The following FAM131A variants were observed in gnomAD, a reference collection of about 807,000 sequenced individuals.
FAM131A encodes protein FAM131A.
In FAM131A, 24 loss-of-function variants were observed where a neutral mutation model predicts 39.2. That is an observed-to-expected ratio of 0.61 (90% CI 0.44 to 0.86). FAM131A has a LOEUF of 0.86. Among genes scored for constraint, FAM131A ranks in the 40% least tolerant of loss-of-function variants. The pLI is 0.00. For missense variants in FAM131A, 373 were observed against 481.2 expected, an observed-to-expected ratio of 0.78 and a Z score of 2.10; for synonymous variants, 202 against 206.8, an observed-to-expected ratio of 0.98 and a Z score of 0.20.
intron 2 of FAM131A, chr3:184,340,827 T>G (rs2108544063): frequency 6.6e-6 from 1 of 152,280 alleles, no homozygotes; most frequent in East Asian, 1.9e-4. Context: ...GAGTGATTTG[T>G]TAAGAGACTA....
At chr3:184,341,661 G>C in intron 2 of FAM131A, 63 bp from the exon 3 acceptor site, 1 of 1,404,176 alleles carries the variant, frequency 7.1e-7, no homozygotes, top group South Asian at 1.2e-5. Context: ...CTGGGTATGG[G>C]CATGTTAGGG....
At chr3:184,336,787 G>C (rs1251535282), upstream of FAM131A, among the ~76,000 whole-genome samples, 8 of 151,716 alleles carry the variant, frequency 5.3e-5, no homozygotes, top group Non-Finnish European at 1.0e-4. The surrounding 1 kb of genome is among the most constrained non-coding windows in gnomAD (Gnocchi z 5.5). Context: ...AGGGAAAGAG[G>C]AACCCAGAGG....
rs761876178 is a variant in FAM131A, at chr3:184,344,767, G to A, written c.898G>A (p.Glu300Lys). ...TGCCTTCCGCAGCCTGGGCCCACTG[G>A]AGGCCCAGGACTCACTCTACAACTC... Reference protein sequence around the residue: ...ESAFRSLGPLEAQDSLYNSPL... With the variant: ...ESAFRSLGPLKAQDSLYNSPL... Residue 300 changes from glutamate (E) to lysine (K), a missense_variant, in exon 6 of 6, where the codon GAG (glutamate) becomes AAG (lysine). Around this residue, in one of 2 missense-constraint regions of FAM131A, gnomAD observed 152 missense variants for 133.5 expected, o/e 1.14. Coordinates refer to ENST00000383847, the MANE Select transcript of FAM131A (RefSeq NM_144635.5). The A allele has an allele frequency of 6.8e-6, 11 of 1,612,240 alleles. No individual in the cohort carries two copies. The Admixed American group carries it at 1.8e-4, about 27-fold the overall frequency.
chr3:184,342,486 T>C lies in FAM131A; in HGVS notation c.508+238T>C, dbSNP rs1221277713. On this transcript the variant is annotated intron_variant, in intron 4 of 5. Transcript: ENST00000383847. This position sits in a 1 kb window ranked among gnomAD's most constrained non-coding sequence, Gnocchi z 4.6. ...CCGTGCCTGGCTAATTTTTGTAGTT[T>C]TAGTAGAGATGGGGTTTCACCGTCT... Among the ~76,000 whole-genome samples the C allele has an allele frequency of 6.6e-6, 1 of 152,108 alleles. No individual in the cohort carries two copies. Among genetic ancestry groups the C allele is most frequent in the Non-Finnish European group, 1.5e-5 (1 of 68,012 alleles).
In FAM131A at chr3:184,342,731, GT is replaced by G. The variant is rs1410193957; in HGVS notation, c.509-12del. 1.2e-6 allele frequency: 2 copies of G among 1,610,408 alleles called. No individual in the cohort carries two copies. The highest frequency in any genetic ancestry group is 2.7e-5 in the African/African-American group (2 of 74,948). On this transcript the variant is annotated splice_polypyrimidine_tract_variant and intron_variant, in intron 4 of 5. Transcript: ENST00000383847. This position sits in a 1 kb window ranked among gnomAD's most constrained non-coding sequence, Gnocchi z 4.6. Reference sequence around the variant, plus strand: ...CTCACCTTCTCTGCTTATGCATTCTGTCCCTGCGACAGGAGTGGCTGAGCAG... The same window carrying G: ...CTCACCTTCTCTGCTTATGCATTCTGCCCTGCGACAGGAGTGGCTGAGCAG...
chr3:184,338,847 C>G (rs1458649697), intron 2 of FAM131A: 7 of 261,646 alleles, frequency 2.7e-5, no homozygotes, highest in Non-Finnish European at 5.1e-5. Flanking sequence ...GCGCGGAGCG[C>G]CGGGCACGGA....
rs1553852940 is a variant in FAM131A, at chr3:184,343,993, C to CTA, written c.626-501_626-500insAT. 9.6e-4 allele frequency among the ~76,000 whole-genome samples: 145 copies of CTA among 151,114 alleles called. 3 individuals carry two copies. The South Asian group carries it at 0.019, about 20-fold the overall frequency. ...TACTGCTTGTTAACTGTGTGCCAGACTTTTTTTTTGAGACGGAGTTTCACT... is the reference window on the plus strand; with the variant it reads ...TACTGCTTGTTAACTGTGTGCCAGACTATTTTTTTTTGAGACGGAGTTTCACT... On this transcript the variant is annotated intron_variant, in intron 5 of 5. Transcript: ENST00000383847.
chr3:184,344,826 G>A lies in FAM131A; in HGVS notation c.957G>A (p.Glu319=), dbSNP rs1281977487. The A allele has an allele frequency of 4.3e-6, 7 of 1,611,754 alleles. No individual in the cohort carries two copies. Among genetic ancestry groups the A allele is most frequent in the African/African-American group, 1.3e-5 (1 of 74,942 alleles). The stretch of plus-strand genomic sequence containing the variant: ...CAGAGTCCTGCCTTTCCCCCGCGGA[G>A]GAGGAGCCAGCCCCCTGCAAGGACT... ...PLTESCLSPA[E]EEPAPCKDCQ... is the part of the protein sequence containing the mutation. The change falls in exon 6 of 6, where the codon GAG becomes GAA. Residue 319 remains glutamate (E), a synonymous_variant. Coordinates refer to ENST00000383847, the MANE Select transcript of FAM131A (RefSeq NM_144635.5).
chr3:184,343,325 G>A (rs1560243683), intron 5 of FAM131A, among the ~76,000 whole-genome samples: 1 of 152,192 alleles, frequency 6.6e-6, no homozygotes, highest in Non-Finnish European at 1.5e-5. Context: ...TGCTGGGCCT[G>A]GAACACCCAC....
At chr3:184,337,543 C>T (rs1727174163), upstream of FAM131A, 1 of 1,243,652 alleles carries the variant, frequency 8.0e-7, no homozygotes, top group Non-Finnish European at 1.1e-6. Context: ...GGGACTGGCT[C>T]AGCATCCGGA....
In FAM131A at chr3:184,342,133, C is replaced by A. The variant is rs770553700; in HGVS notation, c.393C>A (p.His131Gln). 6.2e-7 allele frequency: 1 copy of A among 1,614,224 alleles called. No homozygotes were observed. The highest frequency in any genetic ancestry group is 1.3e-5 in the African/African-American group (1 of 75,062). ...CCATGGCCCAGGGCCGAGTGGCTCACCTCATTGAGTGGAAGGGCTGGAGCA... is the reference window on the plus strand; with the variant it reads ...CCATGGCCCAGGGCCGAGTGGCTCAACTCATTGAGTGGAAGGGCTGGAGCA... Reference protein sequence around the residue: ...PTAMAQGRVAHLIEWKGWSKP... With the variant: ...PTAMAQGRVAQLIEWKGWSKP... The change falls in exon 4 of 6, where the codon CAC becomes CAA. Residue 131 changes from histidine to glutamine, a missense_variant. Coordinates refer to ENST00000383847, the MANE Select transcript of FAM131A (RefSeq NM_144635.5). The surrounding 1 kb of genome is among the most constrained non-coding windows in gnomAD (Gnocchi z 4.6).
chr3:184,338,303 G>C, intron 1 of FAM131A, 84 bp from the exon 2 acceptor site: 1 of 1,356,208 alleles, frequency 7.4e-7, no homozygotes, highest in Non-Finnish European at 9.5e-7. Flanking sequence ...GAGGGGCCGA[G>C]AAATGATACG....
rs3064291 is a variant in FAM131A at position 184,343,122 on chromosome 3, C to CAAAA, written c.625+280_625+283dup. The CAAAA allele has an allele frequency of 1.4e-4, 15 of 105,542 alleles. 1 individual carries two copies. The highest frequency in any genetic ancestry group is 2.8e-4 in the East Asian group (1 of 3,516). The allele number at this position is 105,542 out of a possible 1,614,324, so 6.5% of individuals were successfully genotyped here. ...CTGCACAGTTGTGCCTTGCAGTCCT[C>CAAAA]AAAAAAAAAAAAAAAAAAAAAGCCG... On this transcript the variant is annotated intron_variant, in intron 5 of 5. Transcript: ENST00000383847.
rs1477614049 is a variant in FAM131A, at chr3:184,342,034, T to C, written c.326-32T>C. 1 of 1,613,316 alleles carries C rather than the reference T, an allele frequency of 6.2e-7. No individual in the cohort carries two copies. On this transcript the variant is annotated intron_variant, in intron 3 of 5. Transcript: ENST00000383847. This position sits in a 1 kb window ranked among gnomAD's most constrained non-coding sequence, Gnocchi z 4.6. ...ACCTGTGCTCCCTGGCCTGGTCCTTTACCAGGCTTCTCCACCCTCCCCTAT... is the reference window on the plus strand; with the variant it reads ...ACCTGTGCTCCCTGGCCTGGTCCTTCACCAGGCTTCTCCACCCTCCCCTAT...
rs1577293667 is a variant in FAM131A at position 184,344,950 on chromosome 3, G to A, written c.1081G>A (p.Ala361Thr). The A allele has an allele frequency of 3.2e-6, 5 of 1,576,760 alleles. No individual in the cohort carries two copies. In the South Asian group the frequency reaches 5.6e-5, roughly 18 times the overall value. ...GGTGGTGTCCTTAGATGAGGATGAG[G>A]CAGAGCCAGAGGAACAGTGACCCAC... ...SGVVSLDEDE[A>T]EPEEQ The change falls in exon 6 of 6, where the codon GCA becomes ACA. Residue 361 changes from alanine to threonine, a missense_variant. Physicochemically the swap from Ala to Thr is moderately conservative, Grantham distance 58. Transcript: ENST00000383847.
chr3:184,339,999 T>G (rs1410428988), intron 2 of FAM131A: 2 of 152,280 alleles, frequency 1.3e-5, no homozygotes, highest in African/African-American at 4.8e-5. Flanking sequence ...CATTTTTGTT[T>G]GCTTGTTTTT....
In FAM131A at chr3:184,342,031, C is replaced by T. The variant is rs1169984647; in HGVS notation, c.326-35C>T. 6.2e-7 allele frequency: 1 copy of T among 1,612,968 alleles called. No homozygotes were observed. The highest frequency in any genetic ancestry group is 8.5e-7 in the Non-Finnish European group (1 of 1,178,916). ...TGCACCTGTGCTCCCTGGCCTGGTCCTTTACCAGGCTTCTCCACCCTCCCC... is the reference window on the plus strand; with the variant it reads ...TGCACCTGTGCTCCCTGGCCTGGTCTTTTACCAGGCTTCTCCACCCTCCCC... On this transcript the variant is annotated intron_variant, in intron 3 of 5. Coordinates refer to ENST00000383847, the MANE Select transcript of FAM131A (RefSeq NM_144635.5). This position sits in a 1 kb window ranked among gnomAD's most constrained non-coding sequence, Gnocchi z 4.6.
Position 184,345,239 on chromosome 3 carries a change from GATGT to G in FAM131A, c.*270_*273del. On this transcript the variant is annotated 3_prime_UTR_variant, in exon 6 of 6. Coordinates refer to ENST00000383847, the MANE Select transcript of FAM131A (RefSeq NM_144635.5). ...CATGGCTACAGCTGTGGCAGACAGT[GATGT>G]TCATGTTCTTAAAATGCCACACACA... The G allele has an allele frequency of 1.8e-6, 1 of 556,006 alleles. No individual in the cohort carries two copies. The highest frequency in any genetic ancestry group is 3.2e-6 in the Non-Finnish European group (1 of 316,252). 34.4% of individuals were successfully genotyped at this position (556,006 alleles called of 1,614,324 possible).
chr3:184,343,119 C>T (rs746513812), intron 5 of FAM131A: 14 of 182,496 alleles, frequency 7.7e-5, no homozygotes, highest in Non-Finnish European at 1.3e-4. Context: ...GCCTTGCAGT[C>T]CTCAAAAAAA....
Sources: gnomAD v4.1 joint callset for allele counts (sites outside exome capture counted in the v4.1 genomes callset) on GRCh38, gnomAD v4.1.1 for gene constraint, gnomAD v4.1.1 regional missense constraint, Gnocchi (gnomAD v3.1) non-coding constraint, MANE v1.5 for transcripts, NCBI Gene and HGNC (gene_info 2026-07-23, HGNC 2026-07-21) for gene names.